POLE: variants seen among roughly 807,000 people sequenced by gnomAD.
POLE encodes DNA polymerase epsilon catalytic subunit A.
POLE carries 188 observed loss-of-function variants against 279.2 expected under a neutral mutation model. That is an observed-to-expected ratio of 0.67 (90% CI 0.60 to 0.76). The LOEUF (loss-of-function observed/expected upper bound fraction) is 0.76. Ranked by LOEUF, POLE falls within the 30% of genes least tolerant of loss-of-function variation. The pLI is 0.00. For missense variants in POLE, 2,703 were observed against 3,016.7 expected, an observed-to-expected ratio of 0.90 and a Z score of 2.44; for synonymous variants, 1,214 against 1,172.5, an observed-to-expected ratio of 1.04 and a Z score of -0.72.
Position 132,661,071 on chromosome 12 carries a change from T to C in POLE, c.2958A>G (p.Gln986=), listed in dbSNP as rs538349768. 26 of 1,613,918 alleles carry C rather than the reference T, an allele frequency of 1.6e-5. No individual in the cohort carries two copies. The highest frequency in any genetic ancestry group is 6.7e-5 in the Admixed American group (4 of 60,008). ...RGELQLIKIF[Q]SSVFEAFLKG... is the part of the protein sequence containing the mutation. The stretch of plus-strand genomic sequence containing the variant: ...TGAGGAAGGCCTCAAACACCGAGGA[T>C]TGGAAGATCTTAATCAGCTGCAGTT... The change falls in exon 25 of 49, where the codon CAA becomes CAG. Residue 986 remains glutamine (Q), a synonymous_variant. Transcript: ENST00000320574. The surrounding 1 kb of genome is among the most constrained non-coding windows in gnomAD (Gnocchi z 4.1).
intron 45 of POLE, among the ~76,000 whole-genome samples, chr12:132,627,477 C>T (rs758828136): frequency 2.0e-5 from 3 of 152,026 alleles, no homozygotes; most frequent in Admixed American, 6.6e-5. Flanking sequence ...TGTTTGTAAT[C>T]GTTGTAAAGA....
intron 23 of POLE, among the ~76,000 whole-genome samples, chr12:132,663,175 A>T (rs2042716734): frequency 1.3e-5 from 2 of 152,174 alleles, no homozygotes; most frequent in South Asian, 4.1e-4. Context: ...GCTCTAATAC[A>T]GGTCCAGAAA....
rs199777048 is a variant in POLE, at chr12:132,639,279, C to A, written c.5398G>T (p.Val1800Leu). The change falls in exon 40 of 49, where the codon GTG becomes TTG. Residue 1800 changes from valine (V) to leucine (L), a missense_variant. Around this residue, in one of 5 missense-constraint regions of POLE, gnomAD observed 1,551 missense variants for 1,686.1 expected, o/e 0.92. Transcript: ENST00000320574. This position sits in a 1 kb window ranked among gnomAD's most constrained non-coding sequence, Gnocchi z 4.7. ...TGGGTGATCTCCTTCACCCAGCCCA[C>A]GACCATGCTCTTCAGGATCCTGAAA... ...NTFRILKSMV[V>L]GWVKEITQYH... 1 of 1,614,034 alleles carries A rather than the reference C, an allele frequency of 6.2e-7. No individual in the cohort carries two copies. Among genetic ancestry groups the A allele is most frequent in the Non-Finnish European group, 8.5e-7 (1 of 1,179,960 alleles).
intron 23 of POLE, among the ~76,000 whole-genome samples, chr12:132,662,688 G>C (rs975276939): frequency 1.4e-4 from 22 of 152,168 alleles, no homozygotes; most frequent in African/African-American, 5.3e-4. Flanking sequence ...GAAAATACAA[G>C]ATGAGGCTGG....
intron 23 of POLE, 50 bp downstream of exon 23, chr12:132,663,954 C>T: frequency 6.2e-7 from 1 of 1,606,330 alleles, no homozygotes; most frequent in Non-Finnish European, 8.5e-7. Flanking sequence ...GACATCAGGG[C>T]ACTGACGCCA....
rs1337686916 is a variant in POLE at position 132,661,516 on chromosome 12, G to T, written c.2864+11C>A. On this transcript the variant is annotated intron_variant, in intron 24 of 48. Coordinates refer to ENST00000320574, the MANE Select transcript of POLE (RefSeq NM_006231.4). This position sits in a 1 kb window ranked among gnomAD's most constrained non-coding sequence, Gnocchi z 4.1. ...GTCCTTTCTAAAGCACAAAAGCTAT[G>T]AGAGTCCCACCTCTTCTTCAATTTC... 10 of 1,613,538 alleles carry T rather than the reference G, an allele frequency of 6.2e-6. No homozygotes were observed. In the Admixed American group the frequency reaches 1.7e-4, roughly 27 times the overall value.
Position 132,624,830 on chromosome 12 carries a change from C to T in POLE, c.6748-20G>A. 6.3e-7 allele frequency: 1 copy of T among 1,595,278 alleles called. No individual in the cohort carries two copies. The highest frequency in any genetic ancestry group is 1.3e-5 in the African/African-American group (1 of 74,594). On this transcript the variant is annotated intron_variant, in intron 48 of 48. Transcript: ENST00000320574. ...GAAGACCTGCAGGAATAAACAGGCA[C>T]AGTGAGACCCCAGTCCACTCAGAGA...
At chr12:132,649,275 C>T (rs1488536806) in intron 31 of POLE, 31 bp downstream of exon 31, 1 of 1,601,004 alleles carries the variant, frequency 6.2e-7, no homozygotes, top group East Asian at 2.2e-5. Context: ...TCAGCAGAGC[C>T]ACTGCCCTCC....
At position 132,673,260 on chromosome 12, in the gene POLE, A is replaced by C. The variant is rs759923098; in HGVS notation, c.1377T>G (p.Ser459=). 5 of 1,610,942 alleles carry C rather than the reference A, an allele frequency of 3.1e-6. No individual in the cohort carries two copies. The highest frequency in any genetic ancestry group is 4.2e-6 in the Non-Finnish European group (5 of 1,177,050). The part of the protein sequence containing the change: ...TEQPQTLATY[S]VSDAVATYYL... ...AGTAAGTGGCGACAGCATCTGACAC[A>C]GAATACGTGGCCAGAGTCTGAGGAG... The change falls in exon 14 of 49, where the codon TCT becomes TCG. Residue 459 remains serine (S), a synonymous_variant. Coordinates refer to ENST00000320574, the MANE Select transcript of POLE (RefSeq NM_006231.4).
At chr12:132,672,430 C>T (rs994526885) in intron 15 of POLE, 108 bp from the exon 16 acceptor site, 7 of 1,137,672 alleles carry the variant, frequency 6.2e-6, no homozygotes, top group African/African-American at 1.5e-5. Context: ...GAGAAAGCTC[C>T]GGAAGGACTC....
At chr12:132,679,900 G>T in intron 5 of POLE, 54 bp downstream of exon 5, 3 of 1,316,560 alleles carry the variant, frequency 2.3e-6, no homozygotes, top group Middle Eastern at 1.9e-4. Flanking sequence ...CACCTGCCAG[G>T]AACAATGTAG....
chr12:132,677,797 A>G (rs1424982255), intron 6 of POLE, 78 bp from the exon 7 acceptor site: 18 of 1,383,832 alleles, frequency 1.3e-5, no homozygotes, highest in Non-Finnish European at 1.7e-5. Context: ...ACTCAGTAGG[A>G]AGAGGTGAGA....
At chr12:132,680,322 G>A (rs2136030136) in intron 3 of POLE, 100 bp from the exon 4 acceptor site, 1 of 1,086,908 alleles carries the variant, frequency 9.2e-7, no homozygotes, top group Non-Finnish European at 1.4e-6. Context: ...GAACAGCCTA[G>A]GGCCAGGGTA....
chr12:132,663,249 G>A (rs1421306159), intron 23 of POLE, among the ~76,000 whole-genome samples: 1 of 152,226 alleles, frequency 6.6e-6, no homozygotes, highest in Non-Finnish European at 1.5e-5. Flanking sequence ...TACGACTGAA[G>A]AGCCGTATGG....
chr12:132,663,143 A>G (rs1172846256), intron 23 of POLE, among the ~76,000 whole-genome samples: 4 of 152,160 alleles, frequency 2.6e-5, no homozygotes, highest in African/African-American at 9.7e-5. Flanking sequence ...CTGCTCCACG[A>G]TATCTATTTG....
In POLE at chr12:132,657,131, G is replaced by A. The variant is rs775661457; in HGVS notation, c.3582+5C>T. ...CCCAGCCCAGCCTTGGGGCCCCACCGTCACCTGTCTCCTGCCCTCCAGGGT... is the reference window on the plus strand; with the variant it reads ...CCCAGCCCAGCCTTGGGGCCCCACCATCACCTGTCTCCTGCCCTCCAGGGT... On this transcript the variant is annotated splice_donor_5th_base_variant and intron_variant, in intron 29 of 48. Transcript: ENST00000320574. 24 of 1,613,632 alleles carry A rather than the reference G, an allele frequency of 1.5e-5. No individual in the cohort carries two copies. The highest frequency in any genetic ancestry group is 1.6e-4 in the Middle Eastern group (1 of 6,082).
rs2041802383 is a variant in POLE at position 132,624,992 on chromosome 12, G to A, written c.6660C>T (p.Val2220=). ...KLMAFTLQDL[V]CLKCRGVKET... is the part of the protein sequence containing the mutation. The stretch of plus-strand genomic sequence containing the variant: ...CCTTCACCCCGCGGCACTTCAGGCA[G>A]ACCTGAAAGGGAGCAGCCCCGATGG... Residue 2220 remains valine, a splice_region_variant and synonymous_variant, in exon 48 of 49, where the codon GTC becomes GTT. Transcript: ENST00000320574. The A allele has an allele frequency of 6.2e-7, 1 of 1,613,088 alleles. No homozygotes were observed. Among genetic ancestry groups the A allele is most frequent in the Non-Finnish European group, 8.5e-7 (1 of 1,179,338 alleles).
intron 1 of POLE, among the ~76,000 whole-genome samples, chr12:132,682,286 T>G (rs2043182851): frequency 7.9e-6 from 1 of 125,922 alleles, no homozygotes; most frequent in Non-Finnish European, 1.6e-5. Flanking sequence ...AGAGCGAGAC[T>G]CCGGCAAAAA....
At chr12:132,645,737 G>A (rs1342677740) in intron 32 of POLE, among the ~76,000 whole-genome samples, 1 of 152,174 alleles carries the variant, frequency 6.6e-6, no homozygotes, top group Admixed American at 6.5e-5. Flanking sequence ...TCTCAAGCGA[G>A]AAGAGAACCA....
Sources: allele counts gnomAD v4.1 joint callset (sites outside exome capture counted in the v4.1 genomes callset), GRCh38; gene constraint gnomAD v4.1.1; regional missense constraint gnomAD v4.1.1; non-coding constraint Gnocchi (gnomAD v3.1); transcripts MANE v1.5; gene names NCBI Gene and HGNC (gene_info 2026-07-23, HGNC 2026-07-21).